The following CREB5 variants were observed in gnomAD, a reference collection of about 807,000 sequenced individuals.
The protein encoded by CREB5 is cAMP responsive element binding protein 5.
Under a neutral mutation model 57.1 loss-of-function variants are expected in CREB5, and 19 were observed. The ratio of observed to expected loss-of-function variants is 0.33; its 90% CI spans 0.23 to 0.49. CREB5 has a LOEUF of 0.49. Among genes scored for constraint, CREB5 ranks in the 20% least tolerant of loss-of-function variants. The pLI is 0.99. For synonymous variants in CREB5, 238 were observed against 238.3 expected (o/e 1.00, Z 0.01); for missense variants, 579 against 671.6 (o/e 0.86, Z 1.52).
At chr7:28,816,948 T>C (rs999338632) in intron 9 of CREB5, among the ~76,000 whole-genome samples, 1 of 152,248 alleles carries the variant, frequency 6.6e-6, no homozygotes, top group South Asian at 2.1e-4. Context: ...TTCACTTTTA[T>C]CAAGTGGAAG....
At chr7:28,723,169 C>T (rs912655468) in intron 6 of CREB5, among the ~76,000 whole-genome samples, 10 of 152,310 alleles carry the variant, frequency 6.6e-5, no homozygotes, top group African/African-American at 1.2e-4. Context: ...AATGGAAACA[C>T]GCTTGCATTG....
At chr7:28,478,620 C>T (rs1473898826) in intron 1 of CREB5, among the ~76,000 whole-genome samples, 1 of 152,082 alleles carries the variant, frequency 6.6e-6, no homozygotes, top group African/African-American at 2.4e-5. Context: ...ATGGAGCTGT[C>T]CTCTCAGTAA....
chr7:28,724,497 G>A (rs1803227725), intron 7 of CREB5, 165 bp downstream of exon 7: 3 of 595,946 alleles, frequency 5.0e-6, no homozygotes. Flanking sequence ...GTTTGTTACA[G>A]AGCCTTGGTG....
intron 5 of CREB5, among the ~76,000 whole-genome samples, chr7:28,628,281 G>A (rs1798076546): frequency 6.6e-6 from 1 of 151,946 alleles, no homozygotes; most frequent in African/African-American, 2.4e-5. Flanking sequence ...GACTGAGCAG[G>A]TTTCCTGAAC....
chr7:28,619,401 T>C (rs1797711998), intron 5 of CREB5, among the ~76,000 whole-genome samples: 1 of 152,236 alleles, frequency 6.6e-6, no homozygotes, highest in Non-Finnish European at 1.5e-5. Context: ...TGGACAAATG[T>C]CTTCTCTTTT....
At chr7:28,404,345 T>G (rs1002581434) in intron 1 of CREB5, among the ~76,000 whole-genome samples, 1 of 152,210 alleles carries the variant, frequency 6.6e-6, no homozygotes, top group African/African-American at 2.4e-5. Context: ...AAGAAAGTTC[T>G]GGTTTGAAAG....
chr7:28,622,975 C>T (rs1187578771), intron 5 of CREB5, among the ~76,000 whole-genome samples: 5 of 152,274 alleles, frequency 3.3e-5, no homozygotes, highest in African/African-American at 9.6e-5. Context: ...CCCCGTCTCC[C>T]GGGTTCAAGG....
chr7:28,746,161 G>C (rs530465698), intron 7 of CREB5, among the ~76,000 whole-genome samples: 15 of 152,168 alleles, frequency 9.9e-5, no homozygotes, highest in African/African-American at 3.4e-4. Context: ...CTTTTGCAAT[G>C]AGCCCCCTTT....
intron 1 of CREB5, among the ~76,000 whole-genome samples, chr7:28,320,150 C>T (rs1253546472): frequency 2.0e-5 from 3 of 151,884 alleles, no homozygotes; most frequent in Non-Finnish European, 2.9e-5. Flanking sequence ...AGGCTGGTCT[C>T]GAACACCTGA....
intron 3 of CREB5, among the ~76,000 whole-genome samples, chr7:28,507,297 G>A (rs1192196691): frequency 6.6e-6 from 1 of 152,098 alleles, no homozygotes; most frequent in East Asian, 1.9e-4. Context: ...GAAAGAAAAA[G>A]GGTCATTCCA....
intron 1 of CREB5, among the ~76,000 whole-genome samples, chr7:28,422,041 G>A (rs764373464): frequency 6.6e-6 from 1 of 151,978 alleles, no homozygotes; most frequent in African/African-American, 2.4e-5. Context: ...CCAATGAGAA[G>A]TTGCTTTGCG....
chr7:28,364,561 C>G (rs1410670921), intron 1 of CREB5, among the ~76,000 whole-genome samples: 1 of 152,196 alleles, frequency 6.6e-6, no homozygotes, highest in Non-Finnish European at 1.5e-5. Flanking sequence ...GCTCAAGCCT[C>G]CTGGGCCCTC....
intron 5 of CREB5, among the ~76,000 whole-genome samples, chr7:28,696,909 A>G (rs1050958069): frequency 6.6e-6 from 1 of 151,830 alleles, no homozygotes; most frequent in Non-Finnish European, 1.5e-5. Flanking sequence ...CATTACATAC[A>G]CACATATATG....
At chr7:28,784,632 C>A (rs1485492123) in intron 7 of CREB5, among the ~76,000 whole-genome samples, 1 of 152,036 alleles carries the variant, frequency 6.6e-6, no homozygotes, top group Non-Finnish European at 1.5e-5. Context: ...AAATTTCGCG[C>A]CAGTGTGTGG....
chr7:28,466,210 T>TA (rs5883134), intron 1 of CREB5, among the ~76,000 whole-genome samples: 6,125 of 94,590 alleles, frequency 0.065, 566 homozygotes, highest in African/African-American at 0.22. Flanking sequence ...TGACTGGAGT[T>TA]AAAAAAAAAA....
chr7:28,367,208 C>A (rs1786605613), intron 1 of CREB5, among the ~76,000 whole-genome samples: 1 of 152,078 alleles, frequency 6.6e-6, no homozygotes, highest in Non-Finnish European at 1.5e-5. Flanking sequence ...GCCATCTCTT[C>A]ATCAGTCCCA....
chr7:28,419,782 G>A (rs1007745388), intron 1 of CREB5, among the ~76,000 whole-genome samples: 2 of 152,050 alleles, frequency 1.3e-5, no homozygotes, highest in African/African-American at 4.8e-5. Flanking sequence ...AAAAGATATT[G>A]TGAGATTAAA....
At chr7:28,583,877 C>T (rs1369718658) in intron 5 of CREB5, among the ~76,000 whole-genome samples, 3 of 152,034 alleles carry the variant, frequency 2.0e-5, no homozygotes, top group Non-Finnish European at 4.4e-5. Flanking sequence ...AGGGTTTCCC[C>T]ATGCTGGTCA....
chr7:28,577,720 T>C (rs1056850120), intron 5 of CREB5, among the ~76,000 whole-genome samples: 1 of 152,170 alleles, frequency 6.6e-6, no homozygotes, highest in Non-Finnish European at 1.5e-5. Flanking sequence ...ACCTTTAAAA[T>C]TGGGGGGTGG....
Sources: allele counts gnomAD v4.1 joint callset (sites outside exome capture counted in the v4.1 genomes callset), GRCh38; gene constraint gnomAD v4.1.1; transcripts MANE v1.5; gene names NCBI Gene and HGNC (gene_info 2026-07-23, HGNC 2026-07-21).